The following PRAMEF2 variants were observed in gnomAD, a reference collection of about 807,000 sequenced individuals.
PRAMEF2 encodes PRAME family member 2.
PRAMEF2 carries 35 observed loss-of-function variants against 38.0 expected under a neutral mutation model. That is an observed-to-expected ratio of 0.92 (90% CI 0.70 to 1.22). The LOEUF is 1.22. Among genes scored for constraint, PRAMEF2 ranks in the 50% most tolerant of loss-of-function variants. The pLI is 0.00. For synonymous variants in PRAMEF2, 240 were observed against 232.4 expected (o/e 1.03, Z -0.30); for missense variants, 562 against 553.9 (o/e 1.01, Z -0.15).
chr1:12,858,091 G>A (rs1003416242), intron 1 of PRAMEF2, among the ~76,000 whole-genome samples: 2 of 149,190 alleles, frequency 1.3e-5, no homozygotes, highest in Admixed American at 6.9e-5. Flanking sequence ...TTTTTTCTGC[G>A]ATGTACTCTG....
Position 12,861,204 on chromosome 1 carries a change from C to G in PRAMEF2, c.867-17C>G, listed in dbSNP as rs781677220. ...AACTGGTACCATTGCCCAGAACTAA[C>G]TTCTTGATCTCCACAGGTGCCTCCA... On this transcript the variant is annotated splice_polypyrimidine_tract_variant and intron_variant, in intron 3 of 3. Coordinates refer to ENST00000240189, the MANE Select transcript of PRAMEF2 (RefSeq NM_023014.1). The G allele has an allele frequency of 6.2e-7, 1 of 1,603,584 alleles. No individual in the cohort carries two copies. Among genetic ancestry groups the G allele is most frequent in the Admixed American group, 1.7e-5 (1 of 57,954 alleles).
intron 1 of PRAMEF2, among the ~76,000 whole-genome samples, chr1:12,858,022 C>T (rs1255218174): frequency 6.8e-6 from 1 of 147,726 alleles, no homozygotes; most frequent in African/African-American, 2.5e-5. Context: ...CTATACATAC[C>T]TTCCAAATGC....
Position 12,859,808 on chromosome 1 carries a change from G to T in PRAMEF2, c.403G>T (p.Ala135Ser), listed in dbSNP as rs1640512897. The T allele has an allele frequency of 1.9e-6, 3 of 1,607,552 alleles. No homozygotes were observed. The highest frequency in any genetic ancestry group is 4.5e-5 in the East Asian group (2 of 44,806). ...AGAGGCCATGAGTAAGAGGCAGACA[G>T]CAGAGGACTGTCCAAGGACGGGAGA... is the stretch of plus-strand genomic sequence containing the variant. Reference protein sequence around the residue: ...FPEAMSKRQTAEDCPRTGEHQ... With the variant: ...FPEAMSKRQTSEDCPRTGEHQ... The change falls in exon 3 of 4, where the codon GCA becomes TCA. Residue 135 changes from alanine (A) to serine (S), a missense_variant. This residue lies in a region of PRAMEF2 where 486 missense variants were observed against 444.2 expected (regional missense o/e 1.09). Transcript: ENST00000240189.
Position 12,861,478 on chromosome 1 carries a change from G to GCA in PRAMEF2, c.1125_1126insAC (p.Cys376ThrfsTer20). Reference sequence around the variant, plus strand: ...AGTGCCATCCTGCCTGGCCTGAGCTGCTGCTCCCAGCTCACCACCTTCTAC... The same window carrying GCA: ...AGTGCCATCCTGCCTGGCCTGAGCTGCACTGCTCCCAGCTCACCACCTTCTAC... On this transcript the variant is annotated frameshift_variant, in exon 4 of 4. Coordinates refer to ENST00000240189, the MANE Select transcript of PRAMEF2 (RefSeq NM_023014.1). LOFTEE classifies it high-confidence loss of function. The GCA allele has an allele frequency of 6.5e-7, 1 of 1,541,894 alleles. No homozygotes were observed. The highest frequency in any genetic ancestry group is 2.8e-5 in the East Asian group (1 of 35,784).
chr1:12,858,978 C>G lies in PRAMEF2; in HGVS notation c.-25-7C>G. 1 of 1,594,472 alleles carries G rather than the reference C, an allele frequency of 6.3e-7. No individual in the cohort carries two copies. Among genetic ancestry groups the G allele is most frequent in the East Asian group, 2.2e-5 (1 of 44,668 alleles). ...AGTGATACATTCTCCCTGGATTTGTCTTCTAGAGATTTTTCTTGCAGATCC... is the reference window on the plus strand; with the variant it reads ...AGTGATACATTCTCCCTGGATTTGTGTTCTAGAGATTTTTCTTGCAGATCC... On this transcript the variant is annotated splice_polypyrimidine_tract_variant and splice_region_variant and intron_variant, in intron 1 of 3. Transcript: ENST00000240189.
At chr1:12,859,323 A>T in intron 2 of PRAMEF2, 27 bp downstream of exon 2, 1 of 1,607,480 alleles carries the variant, frequency 6.2e-7, no homozygotes, top group Non-Finnish European at 8.5e-7. Flanking sequence ...GGGCTAGTAG[A>T]TAGGGCTCAG....
chr1:12,858,087 C>A (rs1640475811), intron 1 of PRAMEF2, among the ~76,000 whole-genome samples: 1 of 149,316 alleles, frequency 6.7e-6, no homozygotes, highest in Non-Finnish European at 1.5e-5. Context: ...TTGTTTTTTT[C>A]TGCGATGTAC....
At chr1:12,860,351 T>A (rs1158844098) in intron 3 of PRAMEF2, 80 bp downstream of exon 3, 4 of 1,578,678 alleles carry the variant, frequency 2.5e-6, no homozygotes, top group Non-Finnish European at 3.4e-6. Flanking sequence ...AGGCGTGTAC[T>A]GTGTGCCAGC....
intron 3 of PRAMEF2, among the ~76,000 whole-genome samples, chr1:12,860,768 G>A (rs879499296): frequency 1.9e-4 from 28 of 150,152 alleles, no homozygotes; most frequent in Non-Finnish European, 2.8e-4. Flanking sequence ...TGGGAAATGC[G>A]TGCTTCCGGG....
intron 3 of PRAMEF2, 144 bp downstream of exon 3, chr1:12,860,415 T>C: frequency 1.3e-6 from 2 of 1,496,594 alleles, no homozygotes; most frequent in Non-Finnish European, 1.8e-6. Context: ...ATTGTCCCAT[T>C]CAGTGTTCCA....
At chr1:12,860,559 T>G (rs574207148) in intron 3 of PRAMEF2, among the ~76,000 whole-genome samples, 16 of 149,912 alleles carry the variant, frequency 1.1e-4, no homozygotes, top group East Asian at 3.9e-4. Context: ...CGTGTGAATT[T>G]CCTGTTACAA....
At chr1:12,860,494 G>T (rs1253200782) in intron 3 of PRAMEF2, among the ~76,000 whole-genome samples, 1 of 148,988 alleles carries the variant, frequency 6.7e-6, no homozygotes, top group Non-Finnish European at 1.5e-5. Flanking sequence ...AGAAGCTAGA[G>T]AGGGACATCA....
In PRAMEF2 at chr1:12,861,869, T is replaced by C; in HGVS notation, c.*90T>C. On this transcript the variant is annotated 3_prime_UTR_variant, in exon 4 of 4. Coordinates refer to ENST00000240189, the MANE Select transcript of PRAMEF2 (RefSeq NM_023014.1). ...CTACTATGTAGGTGCAAACTATTTT[T>C]CTCTTTTCTTATTTATTTCATTTTT... 1 of 1,494,868 alleles carries C rather than the reference T, an allele frequency of 6.7e-7. No homozygotes were observed. Among genetic ancestry groups the C allele is most frequent in the East Asian group, 2.3e-5 (1 of 43,230 alleles). 92.6% of individuals were successfully genotyped at this position (1,494,868 alleles called of 1,614,324 possible).
In PRAMEF2 at chr1:12,859,131, G is replaced by T. The variant is rs1063757; in HGVS notation, c.122G>T (p.Arg41Met). 9.1e-4 allele frequency: 1,452 copies of T among 1,590,526 alleles called. 177 individuals are homozygous for T. In the African/African-American group the frequency reaches 0.012, roughly 13 times the overall value. Residue 41 changes from arginine to methionine, a missense_variant, in exon 2 of 4, where the codon AGG (arginine) becomes ATG (methionine). Coordinates refer to ENST00000240189, the MANE Select transcript of PRAMEF2 (RefSeq NM_023014.1). ...LPRVLYLPLF[R>M]EAFSRRHFQT... ...AGGGTGCTCTATCTCCCACTCTTCA[G>T]GGAGGCCTTCAGCAGGAGACACTTC...
At position 12,859,028 on chromosome 1, in the gene PRAMEF2, C is replaced by A. The variant is rs138447851; in HGVS notation, c.19C>A (p.Pro7Thr). The A allele has an allele frequency of 1.9e-6, 3 of 1,603,714 alleles. No homozygotes were observed. The highest frequency in any genetic ancestry group is 2.6e-6 in the Non-Finnish European group (3 of 1,176,322). Reference protein sequence around the residue: MSIQAPPRLLELAGQSL... With the variant: MSIQAPTRLLELAGQSL... ...CATCAGGATGAGCATCCAGGCCCCA[C>A]CGAGACTACTGGAGCTGGCGGGGCA... The change falls in exon 2 of 4, where the codon CCG (proline) becomes ACG (threonine). Residue 7 changes from proline to threonine, a missense_variant. Physicochemically the swap from Pro to Thr is conservative, Grantham distance 38 (BLOSUM62 -1). This residue lies in a region of PRAMEF2 where 486 missense variants were observed against 444.2 expected (regional missense o/e 1.09). Transcript: ENST00000240189.
chr1:12,859,682 T>C lies in PRAMEF2; in HGVS notation c.288-11T>C, dbSNP rs1378526300. Reference sequence around the variant, plus strand: ...TCTAAATTCTGAGCCTCTCCCTTACTTTACCCACAGGAGGTGGAAACTTCA... The same window carrying C: ...TCTAAATTCTGAGCCTCTCCCTTACCTTACCCACAGGAGGTGGAAACTTCA... On this transcript the variant is annotated splice_polypyrimidine_tract_variant and intron_variant, in intron 2 of 3. Transcript: ENST00000240189. 6.2e-7 allele frequency: 1 copy of C among 1,606,098 alleles called. No individual in the cohort carries two copies.
chr1:12,860,247 G>A lies in PRAMEF2; in HGVS notation c.842G>A (p.Ser281Asn), dbSNP rs1197211435. The change falls in exon 3 of 4, where the codon AGT (serine) becomes AAT (asparagine). Residue 281 changes from serine to asparagine, a missense_variant. Ser to Asn is a conservative substitution (Grantham distance 46). Coordinates refer to ENST00000240189, the MANE Select transcript of PRAMEF2 (RefSeq NM_023014.1). ...AAAATAAAATTGATCACCTTCTTCAGTGGGCACCTGGAACAGCTGATCAGG... is the reference window on the plus strand; with the variant it reads ...AAAATAAAATTGATCACCTTCTTCAATGGGCACCTGGAACAGCTGATCAGG... ...LLKIKLITFF[S>N]GHLEQLIRCL... 5 of 1,607,000 alleles carry A rather than the reference G, an allele frequency of 3.1e-6. No individual in the cohort carries two copies. The highest frequency in any genetic ancestry group is 3.4e-6 in the Non-Finnish European group (4 of 1,176,674).
chr1:12,858,021 C>T lies in PRAMEF2; in HGVS notation c.-26+874C>T, dbSNP rs565312017. ...GCTACAGTTAGCATTTCTATACATA[C>T]CTTCCAAATGCTGTGGAATACCATC... is the stretch of plus-strand genomic sequence containing the variant. On this transcript the variant is annotated intron_variant, in intron 1 of 3. Coordinates refer to ENST00000240189, the MANE Select transcript of PRAMEF2 (RefSeq NM_023014.1). Among the ~76,000 whole-genome samples the T allele has an allele frequency of 8.1e-5, 12 of 147,788 alleles. No individual in the cohort carries two copies. In the East Asian group the frequency reaches 2.0e-3, roughly 24 times the overall value.
intron 2 of PRAMEF2, 101 bp from the exon 3 acceptor site, chr1:12,859,592 G>A: frequency 8.4e-6 from 13 of 1,538,646 alleles, no homozygotes; most frequent in Non-Finnish European, 1.1e-5. Flanking sequence ...AGAACAGGGA[G>A]CACTGAGGAC....
Sources: allele counts gnomAD v4.1 joint callset (sites outside exome capture counted in the v4.1 genomes callset), GRCh38; gene constraint gnomAD v4.1.1; regional missense constraint gnomAD v4.1.1; transcripts MANE v1.5; gene names NCBI Gene and HGNC (gene_info 2026-07-23, HGNC 2026-07-21).